The following MT1F variants were observed in gnomAD, a reference collection of about 807,000 sequenced individuals.
MT1F encodes metallothionein-1F.
In MT1F, 6 loss-of-function variants were observed where a neutral mutation model predicts 5.4. The observed-to-expected ratio is 1.11, with a 90% confidence interval of 0.61 to 2.19. MT1F has a LOEUF of 2.19. Ranked by LOEUF, MT1F falls within the 30% of genes most tolerant of loss-of-function variation. MT1F has a pLI of 0.00. For synonymous variants in MT1F, 28 were observed against 28.3 expected, an observed-to-expected ratio of 0.99 and a Z score of 0.04; for missense variants, 82 against 77.0, an observed-to-expected ratio of 1.07 and a Z score of -0.24.
chr16:56,659,019 G>A lies in MT1F; in HGVS notation c.95-54G>A, dbSNP rs1019949434. 8.6e-6 allele frequency: 13 copies of A among 1,507,090 alleles called. No individual in the cohort carries two copies. The South Asian group carries it at 1.4e-4, about 16-fold the overall frequency. 93.4% of individuals were successfully genotyped at this position (1,507,090 alleles called of 1,614,324 possible). On this transcript the variant is annotated intron_variant, in intron 2 of 2. Transcript: ENST00000334350. ...CTCTGTTGGGGGCCTCTGTTGGGGA[G>A]GGAGGTCCCTGGGCAAGTTGGCTGT...
rs762615868 is a variant in MT1F, at chr16:56,659,069, C to T, written c.95-4C>T. On this transcript the variant is annotated splice_polypyrimidine_tract_variant and splice_region_variant and intron_variant, in intron 2 of 2. Coordinates refer to ENST00000334350, the MANE Select transcript of MT1F (RefSeq NM_005949.4). ...TGACCTCTCATGCTCCTCTTCTTCC[C>T]CAGGCTGCTGCTCCTGCTGCCCCGT... The T allele has an allele frequency of 2.5e-6, 4 of 1,613,316 alleles. No individual in the cohort carries two copies. Among genetic ancestry groups the T allele is most frequent in the Non-Finnish European group, 1.7e-6 (2 of 1,179,862 alleles).
chr16:56,659,026 C>A, intron 2 of MT1F, 47 bp from the exon 3 acceptor site: 1 of 1,556,168 alleles, frequency 6.4e-7, no homozygotes, highest in Non-Finnish European at 8.9e-7. Context: ...GGAGGGAGGT[C>A]CCTGGGCAAG....
intron 1 of MT1F, chr16:56,658,335 G>T: frequency 1.7e-6 from 1 of 590,218 alleles, no homozygotes; most frequent in Non-Finnish European, 3.0e-6. Context: ...CAGGGCTGTT[G>T]GCTGAGCCCC....
chr16:56,659,138 T>C lies in MT1F; in HGVS notation c.160T>C (p.Ser54Pro). 6.2e-7 allele frequency: 1 copy of C among 1,614,104 alleles called. No individual in the cohort carries two copies. Among genetic ancestry groups the C allele is most frequent in the Non-Finnish European group, 8.5e-7 (1 of 1,180,002 alleles). ...CCAGGGCTGTGTTTGCAAAGGGGCG[T>C]CAGAGAAGTGCAGCTGCTGCGACTG... ...CAQGCVCKGA[S>P]EKCSCCD The change falls in exon 3 of 3, where the codon TCA becomes CCA. Residue 54 changes from serine to proline, a missense_variant. Physicochemically the swap from Ser to Pro is moderately conservative, Grantham distance 74. Coordinates refer to ENST00000334350, the MANE Select transcript of MT1F (RefSeq NM_005949.4).
rs375033381 is a variant in MT1F, at chr16:56,659,158, C to T, written c.180C>T (p.Cys60=). 3.3e-5 allele frequency: 54 copies of T among 1,613,826 alleles called. No homozygotes were observed. Among genetic ancestry groups the T allele is most frequent in the South Asian group, 1.3e-4 (12 of 91,082 alleles). The stretch of plus-strand genomic sequence containing the variant: ...GGGCGTCAGAGAAGTGCAGCTGCTG[C>T]GACTGATGCCAGGACAACCTTTCTC... The part of the protein sequence containing the change: ...CKGASEKCSC[C]D The change falls in exon 3 of 3, where the codon TGC becomes TGT. Residue 60 remains cysteine (C), a synonymous_variant. Coordinates refer to ENST00000334350, the MANE Select transcript of MT1F (RefSeq NM_005949.4).
Position 56,658,944 on chromosome 16 carries a change from T to C in MT1F, c.95-129T>C, listed in dbSNP as rs1308553165. 6.0e-5 allele frequency: 64 copies of C among 1,070,906 alleles called. No homozygotes were observed. In the Admixed American group the frequency reaches 9.0e-4, roughly 15 times the overall value. 66.3% of individuals were successfully genotyped at this position (1,070,906 alleles called of 1,614,324 possible). A position where few individuals can be genotyped will look rare whatever the true frequency, so the allele number is the denominator to read the frequency against. Reference sequence around the variant, plus strand: ...CCACCCCAGATATTTCCCAGTTGTCTCCTGACAAAGCCATACCCTCCTGAA... The same window carrying C: ...CCACCCCAGATATTTCCCAGTTGTCCCCTGACAAAGCCATACCCTCCTGAA... On this transcript the variant is annotated intron_variant, in intron 2 of 2. Coordinates refer to ENST00000334350, the MANE Select transcript of MT1F (RefSeq NM_005949.4).
intron 2 of MT1F, 145 bp from the exon 3 acceptor site, chr16:56,658,928 A>C (rs777554310): frequency 3.8e-6 from 4 of 1,047,032 alleles, no homozygotes; most frequent in Non-Finnish European, 5.9e-6. Flanking sequence ...CCCACCCCAG[A>C]TATTTCCCAG....
Position 56,659,214 on chromosome 16 carries a change from C to T in MT1F, c.*50C>T, listed in dbSNP as rs376696318. The T allele has an allele frequency of 8.7e-5, 138 of 1,591,046 alleles. 1 individual carries two copies. The highest frequency in any genetic ancestry group is 6.0e-4 in the East Asian group (27 of 44,696). ...TGTAAACAGAGAGACATGTACAAAC[C>T]TGGATTTTTTTTTTATACCACCTTG... On this transcript the variant is annotated 3_prime_UTR_variant, in exon 3 of 3. Transcript: ENST00000334350.
chr16:56,658,254 C>G, intron 1 of MT1F, 168 bp downstream of exon 1: 3 of 715,788 alleles, frequency 4.2e-6, no homozygotes, highest in South Asian at 1.8e-5. Flanking sequence ...TCCTTCCTCT[C>G]TGTGCCTCTG....
At chr16:56,659,012 T>C in intron 2 of MT1F, 61 bp from the exon 3 acceptor site, 1 of 1,459,676 alleles carries the variant, frequency 6.9e-7, no homozygotes, top group Non-Finnish European at 9.6e-7. Flanking sequence ...GGGGCCTCTG[T>C]TGGGGAGGGA....
Position 56,658,731 on chromosome 16 carries a change from T to G in MT1F, c.85T>G (p.Cys29Gly). Reference sequence around the variant, plus strand: ...GTGCAAAGAGTGCAAATGCACCTCCTGCAAGAAGAGTGAGTGTGAGGCCAT... The same window carrying G: ...GTGCAAAGAGTGCAAATGCACCTCCGGCAAGAAGAGTGAGTGTGAGGCCAT... The part of the protein sequence containing the change: ...CKCKECKCTS[C>G]KKSCCSCCPV... Residue 29 changes from cysteine to glycine, a missense_variant, in exon 2 of 3, where the codon TGC (cysteine) becomes GGC (glycine). Physicochemically the swap from Cys to Gly is radical, Grantham distance 159. Transcript: ENST00000334350. 6.2e-7 allele frequency: 1 copy of G among 1,614,220 alleles called. No homozygotes were observed. Among genetic ancestry groups the G allele is most frequent in the Non-Finnish European group, 8.5e-7 (1 of 1,180,026 alleles).
chr16:56,659,021 G>A, intron 2 of MT1F, 52 bp from the exon 3 acceptor site: 3 of 1,522,048 alleles, frequency 2.0e-6, no homozygotes, highest in Non-Finnish European at 2.7e-6. Flanking sequence ...GTTGGGGAGG[G>A]AGGTCCCTGG....
At chr16:56,658,284 G>C in intron 1 of MT1F, 198 bp downstream of exon 1, 1 of 647,628 alleles carries the variant, frequency 1.5e-6, no homozygotes, top group Non-Finnish European at 2.7e-6. Context: ...TGAGGGTACT[G>C]AGGCTCAAGG....
intron 1 of MT1F, 112 bp downstream of exon 1, chr16:56,658,198 T>C (rs1960645277): frequency 8.1e-7 from 1 of 1,239,040 alleles, no homozygotes; most frequent in African/African-American, 1.5e-5. Flanking sequence ...GGGGACTCCT[T>C]GACTTAGTCC....
chr16:56,658,048 C>T lies in MT1F; in HGVS notation c.-11C>T, dbSNP rs964910591. 1.4e-5 allele frequency: 23 copies of T among 1,614,142 alleles called. No individual in the cohort carries two copies. Among genetic ancestry groups the T allele is most frequent in the Non-Finnish European group, 1.9e-5 (23 of 1,179,974 alleles). On this transcript the variant is annotated 5_prime_UTR_variant, in exon 1 of 3. Coordinates refer to ENST00000334350, the MANE Select transcript of MT1F (RefSeq NM_005949.4). ...TCTCTCTTGGAAAGTCCAGTCTCTCCTCGGCTTGCAATGGACCCCAACTGC... is the reference window on the plus strand; with the variant it reads ...TCTCTCTTGGAAAGTCCAGTCTCTCTTCGGCTTGCAATGGACCCCAACTGC...
In MT1F at chr16:56,658,747, G is replaced by A; in HGVS notation, c.94+7G>A. On this transcript the variant is annotated splice_region_variant and intron_variant, in intron 2 of 2. Coordinates refer to ENST00000334350, the MANE Select transcript of MT1F (RefSeq NM_005949.4). ...TGCACCTCCTGCAAGAAGAGTGAGT[G>A]TGAGGCCATCTCCATGGTCTGGGGC... 1 of 1,614,240 alleles carries A rather than the reference G, an allele frequency of 6.2e-7. No homozygotes were observed.
At chr16:56,658,260 C>T (rs139599432) in intron 1 of MT1F, 174 bp downstream of exon 1, 23 of 710,962 alleles carry the variant, frequency 3.2e-5, no homozygotes, top group Middle Eastern at 4.1e-4. Context: ...CTCTCTGTGC[C>T]TCTGTGTCAG....
At chr16:56,658,165 C>G in intron 1 of MT1F, 79 bp downstream of exon 1, 1 of 1,545,760 alleles carries the variant, frequency 6.5e-7, no homozygotes, top group East Asian at 2.2e-5. Flanking sequence ...TTGAGAAGGT[C>G]GTATTTTGAG....
rs1960653342 is a variant in MT1F, at chr16:56,658,725, A to G, written c.79A>G (p.Thr27Ala). Reference protein sequence around the residue: ...GSCKCKECKCTSCKKSCCSCC... With the variant: ...GSCKCKECKCASCKKSCCSCC... ...CTGCAAGTGCAAAGAGTGCAAATGC[A>G]CCTCCTGCAAGAAGAGTGAGTGTGA... is the stretch of plus-strand genomic sequence containing the variant. Residue 27 changes from threonine (T) to alanine (A), a missense_variant, in exon 2 of 3, where the codon ACC becomes GCC. Physicochemically the swap from Thr to Ala is moderately conservative, Grantham distance 58. Transcript: ENST00000334350. The G allele has an allele frequency of 6.2e-7, 1 of 1,614,008 alleles. No individual in the cohort carries two copies. Among genetic ancestry groups the G allele is most frequent in the South Asian group, 1.1e-5 (1 of 91,086 alleles).
Sources: allele counts gnomAD v4.1 joint callset, GRCh38; gene constraint gnomAD v4.1.1; transcripts MANE v1.5; gene names NCBI Gene and HGNC (gene_info 2026-07-23, HGNC 2026-07-21).